ZC3H18: variants seen among roughly 807,000 people sequenced by gnomAD.
ZC3H18 encodes the protein zinc finger CCCH domain-containing protein 18.
A neutral mutation model predicts 106.1 loss-of-function variants in ZC3H18; 8 were observed. The observed-to-expected ratio is 0.08, with a 90% CI of 0.04 to 0.14. The LOEUF is 0.14. Among genes scored for constraint, ZC3H18 ranks in the 10% least tolerant of loss-of-function variants. ZC3H18 has a pLI of 1.00. For synonymous variants in ZC3H18, 635 were observed against 522.1 expected (o/e 1.22, Z -2.95); for missense variants, 1,318 against 1,278.4 (o/e 1.03, Z -0.47).
intron 8 of ZC3H18, among the ~76,000 whole-genome samples, chr16:88,619,707 T>G (rs1387292258): frequency 6.6e-6 from 1 of 152,168 alleles, no homozygotes; most frequent in Non-Finnish European, 1.5e-5. Context: ...CTGTTTTTCC[T>G]TCCCCCTCAC....
intron 2 of ZC3H18, 21 bp from the exon 3 acceptor site, chr16:88,586,579 A>T (rs1272880288): frequency 3.1e-6 from 5 of 1,610,514 alleles, no homozygotes; most frequent in Non-Finnish European, 4.2e-6. Flanking sequence ...CCCCACGCTA[A>T]GACGGTGTTC....
chr16:88,598,837 T>C (rs1904592938), intron 5 of ZC3H18, 125 bp downstream of exon 5: 2 of 776,306 alleles, frequency 2.6e-6, no homozygotes, highest in Non-Finnish European at 4.0e-6. Flanking sequence ...CGTCTGTTTC[T>C]GTGGTGTCTT....
intron 16 of ZC3H18, 96 bp downstream of exon 16, chr16:88,628,950 G>A (rs1906494593): frequency 1.6e-6 from 2 of 1,262,656 alleles, no homozygotes; most frequent in Admixed American, 2.1e-5. Flanking sequence ...TAACAAGTAG[G>A]AGGAGGGTCC....
Position 88,627,524 on chromosome 16 carries a change from A to G in ZC3H18, c.2109-98A>G. ...CACACATTCCGTGGGTACATGATCC[A>G]TAAATGGACACTGCGTAAAAGTGGA... On this transcript the variant is annotated intron_variant, in intron 13 of 17. Coordinates refer to ENST00000301011, the MANE Select transcript of ZC3H18 (RefSeq NM_144604.4). The surrounding 1 kb of genome is among the most constrained non-coding windows in gnomAD (Gnocchi z 4.5). 6.7e-7 allele frequency: 1 copy of G among 1,481,788 alleles called. No homozygotes were observed. 91.8% of individuals were successfully genotyped at this position (1,481,788 alleles called of 1,614,324 possible). A position where few individuals can be genotyped will look rare whatever the true frequency, so the allele number is the denominator to read the frequency against.
At chr16:88,593,745 A>C (rs1221246431) in intron 3 of ZC3H18, among the ~76,000 whole-genome samples, 3 of 152,222 alleles carry the variant, frequency 2.0e-5, no homozygotes, top group African/African-American at 7.2e-5. Flanking sequence ...GGCAGGAACA[A>C]AGTGAGCCTG....
chr16:88,627,843 A>G lies in ZC3H18; in HGVS notation c.2269+61A>G. ...CCCGGGGGAGGAGGGCGGCATCAGC[A>G]CAGACTTTGCCTGGCTGTTGGTGTG... On this transcript the variant is annotated intron_variant, in intron 14 of 17. Coordinates refer to ENST00000301011, the MANE Select transcript of ZC3H18 (RefSeq NM_144604.4). This position sits in a 1 kb window ranked among gnomAD's most constrained non-coding sequence, Gnocchi z 4.5. 6.2e-7 allele frequency: 1 copy of G among 1,612,244 alleles called. No homozygotes were observed. Among genetic ancestry groups the G allele is most frequent in the Non-Finnish European group, 8.5e-7 (1 of 1,178,894 alleles).
intron 8 of ZC3H18, among the ~76,000 whole-genome samples, chr16:88,613,747 G>A (rs1905405676): frequency 6.6e-6 from 1 of 152,202 alleles, no homozygotes; most frequent in Non-Finnish European, 1.5e-5. Context: ...TCAGGTTCAT[G>A]ATGTGCAGTT....
intron 2 of ZC3H18, among the ~76,000 whole-genome samples, chr16:88,580,249 A>G (rs1468506009): frequency 6.7e-6 from 1 of 149,328 alleles, no homozygotes; most frequent in Non-Finnish European, 1.5e-5. Context: ...CCTATTCCCA[A>G]GAACATGTTT....
At chr16:88,575,304 CAT>C (rs1356696878) in intron 1 of ZC3H18, among the ~76,000 whole-genome samples, 1 of 152,146 alleles carries the variant, frequency 6.6e-6, no homozygotes, top group Admixed American at 6.5e-5. Flanking sequence ...AGATACAAGA[CAT>C]ATAAATGTGT....
chr16:88,601,207 G>A (rs1478683217), intron 6 of ZC3H18, among the ~76,000 whole-genome samples: 1 of 152,242 alleles, frequency 6.6e-6, no homozygotes, highest in Non-Finnish European at 1.5e-5. Context: ...TGGTTAACAT[G>A]TACATTTTCT....
rs1275747291 is a variant in ZC3H18, at chr16:88,631,938, T to G, written c.*639T>G. On this transcript the variant is annotated 3_prime_UTR_variant, in exon 18 of 18. Transcript: ENST00000301011. The stretch of plus-strand genomic sequence containing the variant: ...GTGGTGGGTCTTTTTTTGAGGGGTC[T>G]CCTAAAATAAAATATTTTGATAAGC... 3 of 257,620 alleles carry G rather than the reference T, an allele frequency of 1.2e-5. No individual in the cohort carries two copies. Among genetic ancestry groups the G allele is most frequent in the Non-Finnish European group, 2.3e-5 (3 of 131,020 alleles). The allele number at this position is 257,620 out of a possible 1,614,324, so 16.0% of individuals were successfully genotyped here.
chr16:88,580,612 C>T (rs1052970799), intron 2 of ZC3H18, among the ~76,000 whole-genome samples: 5 of 152,294 alleles, frequency 3.3e-5, no homozygotes, highest in African/African-American at 1.2e-4. Context: ...GTATCTCCAC[C>T]AAGCCCACCT....
In ZC3H18 at chr16:88,623,347, A is replaced by T; in HGVS notation, c.1793+3A>T. 1.2e-6 allele frequency: 2 copies of T among 1,612,976 alleles called. No homozygotes were observed. The highest frequency in any genetic ancestry group is 1.7e-6 in the Non-Finnish European group (2 of 1,179,926). On this transcript the variant is annotated splice_donor_region_variant and intron_variant, in intron 10 of 17. Coordinates refer to ENST00000301011, the MANE Select transcript of ZC3H18 (RefSeq NM_144604.4). ...TCGTTCTCAGGAAGCCGGTCCAGGT[A>T]TGTCCCCAGGGCCCATGAAGGGCCC...
intron 8 of ZC3H18, among the ~76,000 whole-genome samples, chr16:88,613,928 C>G (rs148842150): frequency 3.4e-4 from 51 of 151,046 alleles, no homozygotes; most frequent in African/African-American, 1.2e-3. Context: ...GAGACCCTGT[C>G]TCAAAAAAAG....
intron 6 of ZC3H18, among the ~76,000 whole-genome samples, chr16:88,602,964 C>T (rs1328966341): frequency 1.3e-5 from 2 of 151,848 alleles, no homozygotes; most frequent in East Asian, 1.9e-4. Flanking sequence ...AATTGTTGTT[C>T]CTTCTTTTTT....
intron 3 of ZC3H18, 149 bp downstream of exon 3, chr16:88,586,833 G>C: frequency 4.7e-6 from 3 of 638,008 alleles, no homozygotes; most frequent in Non-Finnish European, 8.5e-6. Flanking sequence ...GGTGGTGGTG[G>C]TGGTGGCAAT....
At chr16:88,571,552 C>T (rs890149484) in intron 1 of ZC3H18, 5 of 904,562 alleles carry the variant, frequency 5.5e-6, no homozygotes, top group Middle Eastern at 5.7e-4. Flanking sequence ...CAGTATGGAG[C>T]CCAGCCAGCC....
At chr16:88,593,848 G>A (rs1373856996) in intron 3 of ZC3H18, among the ~76,000 whole-genome samples, 1 of 152,230 alleles carries the variant, frequency 6.6e-6, no homozygotes, top group Non-Finnish European at 1.5e-5. Flanking sequence ...CAGCTTCTCA[G>A]TGTGTCAGGA....
Position 88,627,657 on chromosome 16 carries a change from G to A in ZC3H18, c.2144G>A (p.Ser715Asn). The A allele has an allele frequency of 1.9e-6, 3 of 1,612,492 alleles. No homozygotes were observed. The highest frequency in any genetic ancestry group is 1.1e-5 in the South Asian group (1 of 91,064). Residue 715 changes from serine (S) to asparagine (N), a missense_variant, in exon 14 of 18, where the codon AGT becomes AAT. Ser to Asn is a conservative substitution (Grantham distance 46, BLOSUM62 1). This residue lies in a region of ZC3H18 where 848 missense variants were observed against 821.7 expected (regional missense o/e 1.03). Coordinates refer to ENST00000301011, the MANE Select transcript of ZC3H18 (RefSeq NM_144604.4). This position sits in a 1 kb window ranked among gnomAD's most constrained non-coding sequence, Gnocchi z 4.5. Reference sequence around the variant, plus strand: ...GTGAGCAGCGTCTCCTCAGTGTCCAGTGCTACGTCGAGCAGCAGCTCTGCA... The same window carrying A: ...GTGAGCAGCGTCTCCTCAGTGTCCAATGCTACGTCGAGCAGCAGCTCTGCA... ...LSVSSVSSVS[S>N]ATSSSSSAHS...
Sources: gnomAD v4.1 joint callset for allele counts (sites outside exome capture counted in the v4.1 genomes callset) on GRCh38, gnomAD v4.1.1 for gene constraint, gnomAD v4.1.1 regional missense constraint, Gnocchi (gnomAD v3.1) non-coding constraint, MANE v1.5 for transcripts, NCBI Gene and HGNC (gene_info 2026-07-23, HGNC 2026-07-21) for gene names.